Variants in CELF2 observed in about 807,000 individuals in gnomAD.
The protein encoded by CELF2 is CUG triplet repeat RNA-binding protein 2.
Under a neutral mutation model 62.6 loss-of-function variants are expected in CELF2, and 8 were observed. The observed-to-expected ratio is 0.13, with a 90% CI of 0.07 to 0.23. The LOEUF (loss-of-function observed/expected upper bound fraction) is 0.23, where lower values mean the gene tolerates loss of function less well. CELF2 is among the 10% of genes least tolerant of loss of function. The probability of loss-of-function intolerance (pLI) is 1.00; values close to 1 mark genes in which losing one functional copy is unlikely to be tolerated. For synonymous variants in CELF2, 258 were observed against 250.0 expected, an observed-to-expected ratio of 1.03 and a Z score of -0.30; for missense variants, 333 against 671.0, an observed-to-expected ratio of 0.50 and a Z score of 5.56.
At chr10:11,064,776 G>A (rs886196927) in intron 1 of CELF2, among the ~76,000 whole-genome samples, 10 of 152,134 alleles carry the variant, frequency 6.6e-5, no homozygotes, top group African/African-American at 2.4e-4. Flanking sequence ...CTAAATAACA[G>A]TTCATTCATG....
intron 1 of CELF2, among the ~76,000 whole-genome samples, chr10:11,049,745 G>A (rs574605721): frequency 1.3e-5 from 2 of 152,006 alleles, no homozygotes; most frequent in African/African-American, 4.8e-5. Flanking sequence ...TTATTTTTTT[G>A]TTTTTCTTTA....
At chr10:11,061,938 G>A (rs1168788060) in intron 1 of CELF2, among the ~76,000 whole-genome samples, 1 of 152,194 alleles carries the variant, frequency 6.6e-6, no homozygotes, top group Non-Finnish European at 1.5e-5. Flanking sequence ...TCAGCCTCCT[G>A]AGTAGCTAGA....
At chr10:11,092,478 A>G (rs1271338959) in intron 1 of CELF2, 1 of 152,216 alleles carries the variant, frequency 6.6e-6, no homozygotes, top group East Asian at 1.9e-4. Flanking sequence ...AGAAAAGCAG[A>G]TAGATTTATT....
At chr10:11,291,611 G>C (rs987567321) in intron 9 of CELF2, among the ~76,000 whole-genome samples, 4 of 152,146 alleles carry the variant, frequency 2.6e-5, no homozygotes, top group Admixed American at 2.6e-4. Context: ...GTCTTTTGAA[G>C]CCTAATTTAA....
At chr10:10,711,502 G>T in the CELF2 span, among the ~76,000 whole-genome samples, 7 of 152,148 alleles carry the variant, frequency 4.6e-5, no homozygotes, top group African/African-American at 1.7e-4. Flanking sequence ...TTCCTGACCT[G>T]CACAGAGCAG....
At chr10:11,213,100 C>T (rs2062343992) in intron 2 of CELF2, among the ~76,000 whole-genome samples, 1 of 141,620 alleles carries the variant, frequency 7.1e-6, no homozygotes, top group Non-Finnish European at 1.5e-5. Context: ...TCACCTCTAA[C>T]ATGGAGCGAG....
At chr10:11,146,395 A>G (rs1378702246) in intron 1 of CELF2, among the ~76,000 whole-genome samples, 1 of 152,230 alleles carries the variant, frequency 6.6e-6, no homozygotes, top group Non-Finnish European at 1.5e-5. Context: ...AAAAATGGAT[A>G]AGATAATGTG....
At chr10:10,807,172 AC>A (rs1432906952) in intron 1 of CELF2, among the ~76,000 whole-genome samples, 1 of 152,202 alleles carries the variant, frequency 6.6e-6, no homozygotes, top group African/African-American at 2.4e-5. Flanking sequence ...CAAGCCAGGA[AC>A]TTGCCATCAG....
At chr10:10,914,591 A>C (rs1359298200) in intron 1 of CELF2, among the ~76,000 whole-genome samples, 1 of 152,062 alleles carries the variant, frequency 6.6e-6, no homozygotes, top group Non-Finnish European at 1.5e-5. Flanking sequence ...CTGCAACTTC[A>C]AATTTGCGGA....
intron 1 of CELF2, among the ~76,000 whole-genome samples, chr10:11,052,187 C>T (rs190581333): frequency 6.6e-6 from 1 of 152,250 alleles, no homozygotes; most frequent in African/African-American, 2.4e-5. Context: ...CTGCTCATCT[C>T]GGCCTCCCAA....
chr10:11,281,945 G>T (rs1444627554), intron 8 of CELF2, among the ~76,000 whole-genome samples: 1 of 152,196 alleles, frequency 6.6e-6, no homozygotes, highest in Non-Finnish European at 1.5e-5. Context: ...CCCTGGGGCA[G>T]GGAGCGGCAC....
intron 1 of CELF2, among the ~76,000 whole-genome samples, chr10:11,022,220 G>C (rs2058442900): frequency 6.6e-6 from 1 of 152,310 alleles, no homozygotes; most frequent in East Asian, 1.9e-4. Flanking sequence ...GTTTTTTTCA[G>C]TTGAGATTGC....
chr10:11,110,522 A>G lies in CELF2; in HGVS notation c.75-54964A>G, dbSNP rs1328858570. On this transcript the variant is annotated intron_variant, in intron 1 of 12. Coordinates refer to ENST00000633077, the MANE Select transcript of CELF2 (RefSeq NM_001326342.2). The surrounding 1 kb of genome is among the most constrained non-coding windows in gnomAD (Gnocchi z 4.0). ...AAACACTGCTAGATTGATGAAATAC[A>G]CTAATGCATGGAGTAGAAACAGAGG... is the stretch of plus-strand genomic sequence containing the variant. Among the ~76,000 whole-genome samples the G allele has an allele frequency of 2.0e-5, 3 of 152,216 alleles. No individual in the cohort carries two copies. Among genetic ancestry groups the G allele is most frequent in the African/African-American group, 2.4e-5 (1 of 41,452 alleles).
intron 9 of CELF2, among the ~76,000 whole-genome samples, chr10:11,307,551 A>G (rs1434893697): frequency 1.3e-5 from 2 of 152,252 alleles, no homozygotes; most frequent in Admixed American, 1.3e-4. Context: ...ATGGTGCCAA[A>G]TACAGTGCCA....
intron 1 of CELF2, among the ~76,000 whole-genome samples, chr10:10,879,911 A>T (rs965398631): frequency 2.6e-5 from 4 of 152,190 alleles, no homozygotes; most frequent in African/African-American, 9.7e-5. Flanking sequence ...GGAGGTGACC[A>T]TCTTCCTAAT....
chr10:10,530,092 G>A, the CELF2 span, among the ~76,000 whole-genome samples: 1 of 152,098 alleles, frequency 6.6e-6, no homozygotes. Flanking sequence ...CCCAAAAGAG[G>A]GTTCTTGGAT....
chr10:10,923,569 G>A (rs1332358455), intron 2 of CELF2, among the ~76,000 whole-genome samples: 1 of 152,186 alleles, frequency 6.6e-6, no homozygotes, highest in Non-Finnish European at 1.5e-5. Context: ...CAGGCGCTAA[G>A]TTTGTTTTTC....
At chr10:11,232,561 G>C (rs934175660) in intron 3 of CELF2, among the ~76,000 whole-genome samples, 1 of 152,224 alleles carries the variant, frequency 6.6e-6, no homozygotes, top group African/African-American at 2.4e-5. Flanking sequence ...CTATGGCTCG[G>C]AAAGAAGGGA....
At chr10:10,544,600 T>C in the CELF2 span, among the ~76,000 whole-genome samples, 49,623 of 152,176 alleles carry the variant, frequency 0.33, 8,822 homozygotes, top group Middle Eastern at 0.41. Flanking sequence ...GTATTATCCA[T>C]TAAAACAATG....
Sources: gnomAD v4.1 joint callset for allele counts (sites outside exome capture counted in the v4.1 genomes callset) on GRCh38, gnomAD v4.1.1 for gene constraint, Gnocchi (gnomAD v3.1) non-coding constraint, MANE v1.5 for transcripts, NCBI Gene and HGNC (gene_info 2026-07-23, HGNC 2026-07-21) for gene names.